MCPH1: variants seen among roughly 807,000 people sequenced by gnomAD.
The protein encoded by MCPH1 is microcephalin.
Under a neutral mutation model 84.5 loss-of-function variants are expected in MCPH1, and 104 were observed. That is an observed-to-expected ratio of 1.23 (90% CI 1.05 to 1.45). The LOEUF is 1.45. MCPH1 is among the 40% of genes most tolerant of loss of function. MCPH1 has a pLI of 0.00. For missense variants in MCPH1, 1,498 were observed against 1,005.7 expected (o/e 1.49, Z -6.62); for synonymous variants, 514 against 366.8 (o/e 1.40, Z -4.58).
chr8:6,532,466 T>C (rs1345186798), intron 12 of MCPH1: 1 of 1,613,652 alleles, frequency 6.2e-7, no homozygotes, highest in South Asian at 1.1e-5. Flanking sequence ...TTCTTCATGT[T>C]GTCCTGGATA....
intron 8 of MCPH1, among the ~76,000 whole-genome samples, chr8:6,453,720 T>C (rs1285626563): frequency 6.6e-6 from 1 of 152,194 alleles, no homozygotes; most frequent in Admixed American, 6.5e-5. Context: ...TTATTTTTAA[T>C]CTTAAAGACG....
At chr8:6,467,202 C>A (rs1807090965) in intron 9 of MCPH1, among the ~76,000 whole-genome samples, 1 of 152,090 alleles carries the variant, frequency 6.6e-6, no homozygotes, top group South Asian at 2.1e-4. Context: ...AATAGTGAGT[C>A]TGTATAGGAA....
At chr8:6,549,999 AGGTGAT>A (rs1823333509) in intron 12 of MCPH1, among the ~76,000 whole-genome samples, 1 of 152,222 alleles carries the variant, frequency 6.6e-6, no homozygotes, top group Non-Finnish European at 1.5e-5. Context: ...GGCTTTGCCC[AGGTGAT>A]CATTCGGGGA....
chr8:6,545,285 A>G (rs1315434305), intron 12 of MCPH1, among the ~76,000 whole-genome samples: 1 of 152,196 alleles, frequency 6.6e-6, no homozygotes, highest in Non-Finnish European at 1.5e-5. Flanking sequence ...GTGAATCCAT[A>G]TTTTTAAAAG....
intron 12 of MCPH1, among the ~76,000 whole-genome samples, chr8:6,537,228 C>T (rs978067074): frequency 1.3e-5 from 2 of 152,226 alleles, no homozygotes; most frequent in African/African-American, 4.8e-5. Context: ...AGGATTATTC[C>T]ATGAGCGTGA....
intron 12 of MCPH1, chr8:6,562,715 C>A (rs753197361): frequency 6.2e-7 from 1 of 1,613,288 alleles, no homozygotes. Context: ...ACCGAGTCAT[C>A]GTATTCGAGC....
chr8:6,522,644 C>G (rs938668693), intron 12 of MCPH1, among the ~76,000 whole-genome samples: 1 of 150,700 alleles, frequency 6.6e-6, no homozygotes, highest in Non-Finnish European at 1.5e-5. Flanking sequence ...CGTGGGGGTA[C>G]ATGAATGTAA....
chr8:6,435,406 G>C (rs1413562913), intron 4 of MCPH1, among the ~76,000 whole-genome samples: 1 of 152,130 alleles, frequency 6.6e-6, no homozygotes, highest in Non-Finnish European at 1.5e-5. Context: ...TCCCTGAGGT[G>C]GGGGCTCAGG....
intron 6 of MCPH1, among the ~76,000 whole-genome samples, chr8:6,439,489 A>G (rs888537292): frequency 6.7e-5 from 10 of 149,880 alleles, no homozygotes; most frequent in African/African-American, 2.5e-4. Context: ...AGTTCAAGTG[A>G]TTCTACTGCC....
rs144505209 is a variant in MCPH1, at chr8:6,497,485, G to C, written c.2137-2367G>C. On this transcript the variant is annotated intron_variant, in intron 11 of 13. Coordinates refer to ENST00000344683, the MANE Select transcript of MCPH1 (RefSeq NM_024596.5). The stretch of plus-strand genomic sequence containing the variant: ...CCACTGTACTCCAGCCTGGGCGACA[G>C]AGGAAGACTGTCTAAAAAAAATAGA... Among the ~76,000 whole-genome samples the C allele has an allele frequency of 3.2e-3, 484 of 152,246 alleles. 3 individuals are homozygous for C. Among genetic ancestry groups the C allele is most frequent in the African/African-American group, 9.9e-3 (413 of 41,522 alleles).
At chr8:6,479,613 T>C (rs1349941351) in intron 10 of MCPH1, among the ~76,000 whole-genome samples, 1 of 151,998 alleles carries the variant, frequency 6.6e-6, no homozygotes, top group African/African-American at 2.4e-5. Context: ...TTTTTTGTTT[T>C]TTTAGTAGAG....
intron 4 of MCPH1, among the ~76,000 whole-genome samples, chr8:6,435,654 T>C (rs1802533088): frequency 6.6e-6 from 1 of 152,204 alleles, no homozygotes; most frequent in Non-Finnish European, 1.5e-5. Flanking sequence ...TCAAGTGACG[T>C]AACTTGCAAC....
chr8:6,596,639 C>T (rs908403468), intron 12 of MCPH1, among the ~76,000 whole-genome samples: 1 of 152,036 alleles, frequency 6.6e-6, no homozygotes. Context: ...ACAGAGGAAC[C>T]CCTGGGCTAA....
chr8:6,481,924 A>T lies in MCPH1; in HGVS notation c.2136+1048A>T, dbSNP rs543562315. Among the ~76,000 whole-genome samples, 12 of 152,352 alleles carry T rather than the reference A, an allele frequency of 7.9e-5. No homozygotes were observed. The South Asian group carries it at 2.3e-3, about 29-fold the overall frequency. On this transcript the variant is annotated intron_variant, in intron 11 of 13. Transcript: ENST00000344683. The stretch of plus-strand genomic sequence containing the variant: ...AAAATATTAAATGGGAAATCCCAGA[A>T]AATAACAATTTATAAGTCTTTAAAT...
intron 12 of MCPH1, among the ~76,000 whole-genome samples, chr8:6,571,793 G>A (rs1051638562): frequency 6.6e-6 from 1 of 152,078 alleles, no homozygotes; most frequent in Non-Finnish European, 1.5e-5. Flanking sequence ...TGGGAAATTA[G>A]GCTTGATTAT....
In MCPH1 at chr8:6,612,395, G is replaced by A. The variant is rs140194532; in HGVS notation, c.2215-9059G>A. ...GCCCCAGCTGGAGAGTTGTTCTGAG[G>A]CTTTCATCCTTCTCCACGTGCCGCC... On this transcript the variant is annotated intron_variant, in intron 12 of 13. Transcript: ENST00000344683. Among the ~76,000 whole-genome samples the A allele has an allele frequency of 8.2e-3, 1,241 of 152,246 alleles. 17 individuals are homozygous for A. The highest frequency in any genetic ancestry group is 0.028 in the African/African-American group (1,170 of 41,534).
chr8:6,621,628 A>G lies in MCPH1; in HGVS notation c.2389A>G (p.Ile797Val), dbSNP rs1831428120. The change falls in exon 13 of 14, where the codon ATC becomes GTC. Residue 797 changes from isoleucine (I) to valine (V), a missense_variant. Transcript: ENST00000344683. ...SQVPRQASIV[I>V]GPYSGKKKAT... The stretch of plus-strand genomic sequence containing the variant: ...AGTCCCCCGCCAGGCCAGCATCGTC[A>G]TCGGGCCCTACAGCGGAAAGAAGAA... The G allele has an allele frequency of 1.2e-6, 2 of 1,614,078 alleles. No homozygotes were observed. Among genetic ancestry groups the G allele is most frequent in the Non-Finnish European group, 1.7e-6 (2 of 1,180,038 alleles).
chr8:6,567,484 A>G (rs1826294623), intron 12 of MCPH1, among the ~76,000 whole-genome samples: 1 of 152,192 alleles, frequency 6.6e-6, no homozygotes. Flanking sequence ...GGGATAGAAT[A>G]GGTGCTTAGA....
At chr8:6,525,348 G>C (rs1036236912) in intron 12 of MCPH1, among the ~76,000 whole-genome samples, 3 of 152,160 alleles carry the variant, frequency 2.0e-5, no homozygotes, top group African/African-American at 7.2e-5. Context: ...ACCTGCCTCA[G>C]CCATCCAAAT....
Sources: allele counts gnomAD v4.1 joint callset (sites outside exome capture counted in the v4.1 genomes callset), GRCh38; gene constraint gnomAD v4.1.1; transcripts MANE v1.5; gene names NCBI Gene and HGNC (gene_info 2026-07-23, HGNC 2026-07-21).